RPSA2: variants seen among roughly 807,000 people sequenced by gnomAD.
RPSA2 encodes the protein ribosomal protein SA 2, also known as small ribosomal subunit protein uS2B.
the RPSA2 span, among the ~76,000 whole-genome samples, chr19:23,837,434 A>T: frequency 6.6e-6 from 1 of 151,800 alleles, no homozygotes; most frequent in Non-Finnish European, 1.5e-5. Context: ...CTTTTTTCTT[A>T]GTCTTACTTT....
At chr19:23,806,801 A>T in the RPSA2 span, among the ~76,000 whole-genome samples, 1 of 151,664 alleles carries the variant, frequency 6.6e-6, no homozygotes, top group African/African-American at 2.4e-5. Flanking sequence ...AAAAAAAAAA[A>T]AAAAAAATTA....
chr19:23,825,467 GTGTT>G, the RPSA2 span, among the ~76,000 whole-genome samples: 2 of 152,082 alleles, frequency 1.3e-5, no homozygotes, highest in African/African-American at 4.8e-5. Flanking sequence ...AATTATCTCT[GTGTT>G]TGTTTTCCTG....
At chr19:23,763,441 G>T in the RPSA2 span, among the ~76,000 whole-genome samples, 1 of 152,200 alleles carries the variant, frequency 6.6e-6, no homozygotes, top group Non-Finnish European at 1.5e-5. Context: ...GTGTTTGCGT[G>T]GGAAGAACTG....
the RPSA2 span, among the ~76,000 whole-genome samples, chr19:23,840,354 G>A: frequency 6.6e-6 from 1 of 152,072 alleles, no homozygotes; most frequent in Admixed American, 6.6e-5. Context: ...ATAGTACCTT[G>A]AATTTATACC....
chr19:23,836,188 T>C, the RPSA2 span, among the ~76,000 whole-genome samples: 96 of 152,288 alleles, frequency 6.3e-4, no homozygotes, highest in African/African-American at 2.2e-3. Flanking sequence ...CATTGTATTA[T>C]TCTTATACCT....
At chr19:23,792,591 G>GTT in the RPSA2 span, among the ~76,000 whole-genome samples, 1,082 of 144,076 alleles carry the variant, frequency 7.5e-3, 10 homozygotes, top group South Asian at 0.011. Context: ...TTTTGTTTTT[G>GTT]TTTTTTTTTT....
At chr19:23,797,166 A>G in the RPSA2 span, among the ~76,000 whole-genome samples, 8 of 151,870 alleles carry the variant, frequency 5.3e-5, no homozygotes, top group Non-Finnish European at 1.0e-4. Flanking sequence ...GCCAAGTGCA[A>G]TGGCACGATC....
chr19:23,850,130 A>C, the RPSA2 span, among the ~76,000 whole-genome samples: 4 of 151,580 alleles, frequency 2.6e-5, no homozygotes, highest in African/African-American at 9.7e-5. Context: ...GGCAATGGTC[A>C]TCTCTAGCTC....
the RPSA2 span, among the ~76,000 whole-genome samples, chr19:23,868,496 C>A: frequency 6.8e-6 from 1 of 146,984 alleles, no homozygotes; most frequent in South Asian, 2.4e-4. Context: ...AACGTTACAA[C>A]GCATGTTGAG....
At chr19:23,847,155 G>T in the RPSA2 span, among the ~76,000 whole-genome samples, 2 of 149,498 alleles carry the variant, frequency 1.3e-5, no homozygotes, top group South Asian at 4.2e-4. Flanking sequence ...TTGAATTTTT[G>T]AATGTATTTT....
At chr19:23,853,094 G>A in the RPSA2 span, among the ~76,000 whole-genome samples, 2 of 152,222 alleles carry the variant, frequency 1.3e-5, no homozygotes, top group Admixed American at 1.3e-4. Context: ...GCAGATGGTA[G>A]GGCTATTCAG....
chr19:23,822,641 G>A, the RPSA2 span, among the ~76,000 whole-genome samples: 1 of 152,188 alleles, frequency 6.6e-6, no homozygotes, highest in Admixed American at 6.5e-5. Flanking sequence ...AAGCTCTGGT[G>A]TGGGTAAATT....
chr19:23,777,895 T>C, the RPSA2 span, among the ~76,000 whole-genome samples: 2 of 152,212 alleles, frequency 1.3e-5, no homozygotes, highest in Non-Finnish European at 2.9e-5. Context: ...GACATGTCTT[T>C]GTGCCAATCA....
the RPSA2 span, among the ~76,000 whole-genome samples, chr19:23,767,828 A>G: frequency 6.9e-6 from 1 of 144,408 alleles, no homozygotes; most frequent in Non-Finnish European, 1.5e-5. Context: ...GTGCAGTGGT[A>G]CAATCTTGGC....
At chr19:23,811,866 A>C in the RPSA2 span, among the ~76,000 whole-genome samples, 3 of 145,770 alleles carry the variant, frequency 2.1e-5, no homozygotes, top group East Asian at 5.3e-4. Context: ...CAAAAATAGC[A>C]AACATTTAAA....
At chr19:23,761,771 A>C in the RPSA2 span, among the ~76,000 whole-genome samples, 1 of 151,888 alleles carries the variant, frequency 6.6e-6, no homozygotes, top group Admixed American at 6.6e-5. Context: ...TAGTGAGAGT[A>C]ATCCAGTGAT....
At chr19:23,845,333 G>A in the RPSA2 span, among the ~76,000 whole-genome samples, 1 of 146,608 alleles carries the variant, frequency 6.8e-6, no homozygotes, top group Non-Finnish European at 1.5e-5. Context: ...CTAGTTCCTT[G>A]AAATATGATG....
the RPSA2 span, among the ~76,000 whole-genome samples, chr19:23,772,592 C>T: frequency 2.0e-5 from 3 of 152,112 alleles, no homozygotes; most frequent in East Asian, 5.8e-4. Flanking sequence ...TCCCACATAT[C>T]ATATAATGCC....
chr19:23,829,228 T>G, the RPSA2 span, among the ~76,000 whole-genome samples: 1 of 152,222 alleles, frequency 6.6e-6, no homozygotes, highest in Non-Finnish European at 1.5e-5. Flanking sequence ...ATTTGATTAT[T>G]GCATCTTTGT....
Sources: allele counts gnomAD v4.1 joint callset (sites outside exome capture counted in the v4.1 genomes callset), GRCh38; gene constraint gnomAD v4.1.1; transcripts MANE v1.5; gene names NCBI Gene and HGNC (gene_info 2026-07-23, HGNC 2026-07-21).